Variants in UVSSA observed in about 807,000 individuals in gnomAD.
The protein encoded by UVSSA is UV stimulated scaffold protein A, also known as UV-stimulated scaffold protein A.
A neutral mutation model predicts 73.9 loss-of-function variants in UVSSA; 72 were observed. That is an observed-to-expected ratio of 0.97 (90% CI 0.81 to 1.19). The LOEUF (loss-of-function observed/expected upper bound fraction) is 1.19, where lower values mean the gene tolerates loss of function less well. Among genes scored for constraint, UVSSA ranks in the 50% most tolerant of loss-of-function variants. The pLI is 0.00. For synonymous variants in UVSSA, 454 were observed against 391.3 expected, an observed-to-expected ratio of 1.16 and a Z score of -1.89; for missense variants, 1,150 against 965.0, an observed-to-expected ratio of 1.19 and a Z score of -2.54.
chr4:1,354,827 G>A lies in UVSSA; in HGVS notation c.1027G>A (p.Ala343Thr). The A allele has an allele frequency of 6.2e-7, 1 of 1,612,298 alleles. No homozygotes were observed. The highest frequency in any genetic ancestry group is 8.5e-7 in the Non-Finnish European group (1 of 1,179,584). The change falls in exon 6 of 14, where the codon GCT becomes ACT. Residue 343 changes from alanine (A) to threonine (T), a missense_variant. Physicochemically the swap from Ala to Thr is moderately conservative, Grantham distance 58 (BLOSUM62 0). Coordinates refer to ENST00000389851, the MANE Select transcript of UVSSA (RefSeq NM_020894.4). ...GCTCATCCGGAACAAGTTCCTGCCG[G>A]CTGTGTGCTCGTGGATCCAGGTGAG... is the stretch of plus-strand genomic sequence containing the variant. The part of the protein sequence containing the change: ...LKLIRNKFLP[A>T]VCSWIQRFTR...
At chr4:1,369,226 T>C (rs1417371337) in intron 8 of UVSSA, among the ~76,000 whole-genome samples, 1 of 152,210 alleles carries the variant, frequency 6.6e-6, no homozygotes, top group Non-Finnish European at 1.5e-5. Flanking sequence ...GGTGCGAGCA[T>C]GCAGCACCAG....
In UVSSA at chr4:1,349,602, C is replaced by T; in HGVS notation, c.177C>T (p.Leu59=). ...CCCAGGAGCACGCCGAGATCCGTCT[C>T]TCAGCCTTCCAGATTGTGGAGGAAC... ...QLTQEHAEIR[L]SAFQIVEELF... The change falls in exon 3 of 14, where the codon CTC becomes CTT. Residue 59 remains leucine, a synonymous_variant. Transcript: ENST00000389851. The T allele has an allele frequency of 1.2e-6, 2 of 1,614,156 alleles. No individual in the cohort carries two copies. The highest frequency in any genetic ancestry group is 1.6e-4 in the Middle Eastern group (1 of 6,062).
At chr4:1,342,603 C>A (rs1334736994), upstream of UVSSA, among the ~76,000 whole-genome samples, 1 of 152,118 alleles carries the variant, frequency 6.6e-6, no homozygotes, top group African/African-American at 2.4e-5. Context: ...AATATATCTT[C>A]CAGAAGATTC....
exon 14 of UVSSA, chr4:1,393,705 C>T (rs1720459627): frequency 6.6e-6 from 1 of 152,658 alleles, no homozygotes; most frequent in Non-Finnish European, 1.5e-5. Context: ...CCTTTTTTCC[C>T]ATGTCAGAGC....
chr4:1,382,890 C>T (rs1025095140), intron 12 of UVSSA, among the ~76,000 whole-genome samples: 3 of 152,202 alleles, frequency 2.0e-5, no homozygotes, highest in Non-Finnish European at 2.9e-5. Flanking sequence ...AGCATTGGTG[C>T]CTGGCCCCCT....
intron 8 of UVSSA, among the ~76,000 whole-genome samples, chr4:1,367,630 G>A (rs1295011039): frequency 6.6e-6 from 1 of 152,124 alleles, no homozygotes; most frequent in African/African-American, 2.4e-5. Context: ...TGAGGGTCTG[G>A]AAGAAAGCCT....
chr4:1,372,288 G>C (rs867643124), intron 8 of UVSSA, among the ~76,000 whole-genome samples: 6 of 152,254 alleles, frequency 3.9e-5, no homozygotes, highest in Middle Eastern at 3.4e-3. Flanking sequence ...TTTAGTTAAC[G>C]GTTGTTACGA....
rs1257770662 is a variant in UVSSA, at chr4:1,368,876, G to A, written c.1288+2445G>A. On this transcript the variant is annotated intron_variant, in intron 8 of 13. Coordinates refer to ENST00000389851, the MANE Select transcript of UVSSA (RefSeq NM_020894.4). ...GGCGGCTGGTTCTTTCGCTGCAGCCGCAGGTCCCCACAGCGCCCTCCTCTG... is the reference window on the plus strand; with the variant it reads ...GGCGGCTGGTTCTTTCGCTGCAGCCACAGGTCCCCACAGCGCCCTCCTCTG... Among the ~76,000 whole-genome samples, 5 of 152,328 alleles carry A rather than the reference G, an allele frequency of 3.3e-5. No homozygotes were observed. The Middle Eastern group carries it at 0.01, about 311-fold the overall frequency.
rs1714360819 is a variant in UVSSA at position 1,349,629 on chromosome 4, C to G, written c.204C>G (p.Leu68=). The part of the protein sequence containing the change: ...RLSAFQIVEE[L]FVRSHQFRML... The stretch of plus-strand genomic sequence containing the variant: ...CAGCCTTCCAGATTGTGGAGGAACT[C>G]TTCGTCAGGTCTCACCAGTTCCGGA... The change falls in exon 3 of 14, where the codon CTC becomes CTG. Residue 68 remains leucine (L), a synonymous_variant. Coordinates refer to ENST00000389851, the MANE Select transcript of UVSSA (RefSeq NM_020894.4). 6.2e-7 allele frequency: 1 copy of G among 1,614,110 alleles called. No homozygotes were observed. Among genetic ancestry groups the G allele is most frequent in the Non-Finnish European group, 8.5e-7 (1 of 1,180,020 alleles).
upstream of UVSSA, among the ~76,000 whole-genome samples, chr4:1,343,464 TAAATCATAAC>T (rs1029729818): frequency 6.6e-6 from 1 of 151,932 alleles, no homozygotes; most frequent in African/African-American, 2.4e-5. Context: ...CAAGGACTTA[TAAATCATAAC>T]AATATTGAGT....
intron 12 of UVSSA, among the ~76,000 whole-genome samples, chr4:1,381,781 C>T (rs929765609): frequency 2.6e-5 from 4 of 151,272 alleles, no homozygotes; most frequent in Admixed American, 6.6e-5. Context: ...GAGCGATCCT[C>T]GTGCCTCAGC....
intron 10 of UVSSA, 43 bp from the exon 11 acceptor site, chr4:1,380,004 G>T (rs1328241989): frequency 1.3e-6 from 2 of 1,551,626 alleles, no homozygotes; most frequent in African/African-American, 2.7e-5. Flanking sequence ...CGCTCTTCTG[G>T]GGTCCCTGCA....
intron 13 of UVSSA, 125 bp downstream of exon 13, chr4:1,384,065 G>A: frequency 1.1e-5 from 14 of 1,253,758 alleles, no homozygotes; most frequent in Non-Finnish European, 1.5e-5. Flanking sequence ...CCTGCTTTGA[G>A]TTCCCCTGGG....
chr4:1,343,067 A>G (rs754756610), upstream of UVSSA, among the ~76,000 whole-genome samples: 2 of 152,160 alleles, frequency 1.3e-5, no homozygotes, highest in Non-Finnish European at 2.9e-5. Context: ...CAGTGAACCT[A>G]TCATCCCTAT....
At chr4:1,344,220 T>A (rs796188641), upstream of UVSSA, among the ~76,000 whole-genome samples, 4 of 152,304 alleles carry the variant, frequency 2.6e-5, no homozygotes, top group African/African-American at 9.6e-5. Flanking sequence ...CATCTCTAAG[T>A]TTCCATTGGT....
chr4:1,368,733 C>CT (rs1339556529), intron 8 of UVSSA, among the ~76,000 whole-genome samples: 1 of 152,260 alleles, frequency 6.6e-6, no homozygotes, highest in Non-Finnish European at 1.5e-5. Flanking sequence ...CAGCCTGACC[C>CT]TGGTTGTGAA....
upstream of UVSSA, among the ~76,000 whole-genome samples, chr4:1,344,718 C>T (rs113508078): frequency 0.014 from 2,118 of 152,256 alleles, 48 homozygotes; most frequent in African/African-American, 0.048. Context: ...GAGAAAAAAG[C>T]GAATCACCTA....
At chr4:1,359,990 A>C (rs1716385138) in intron 7 of UVSSA, among the ~76,000 whole-genome samples, 1 of 152,218 alleles carries the variant, frequency 6.6e-6, no homozygotes, top group Admixed American at 6.5e-5. Flanking sequence ...AAGGGACAGA[A>C]ACTGAAAACC....
chr4:1,369,394 C>T (rs774134029), intron 8 of UVSSA, among the ~76,000 whole-genome samples: 34 of 152,168 alleles, frequency 2.2e-4, no homozygotes, highest in Non-Finnish European at 4.1e-4. Flanking sequence ...AGGCGGGAAG[C>T]GTGGGGGCAG....
Sources: allele counts gnomAD v4.1 joint callset (sites outside exome capture counted in the v4.1 genomes callset), GRCh38; gene constraint gnomAD v4.1.1; transcripts MANE v1.5; gene names NCBI Gene and HGNC (gene_info 2026-07-23, HGNC 2026-07-21).